Variants in ZC3H14 observed in about 807,000 individuals in gnomAD.
ZC3H14 encodes zinc finger CCCH-type containing 14, also known as zinc finger CCCH domain-containing protein 14.
Under a neutral mutation model 92.4 loss-of-function variants are expected in ZC3H14, and 31 were observed. The ratio of observed to expected loss-of-function variants is 0.34; its 90% CI spans 0.25 to 0.45. The LOEUF (loss-of-function observed/expected upper bound fraction) is 0.45, where lower values mean the gene tolerates loss of function less well. Among genes scored for constraint, ZC3H14 ranks in the 20% least tolerant of loss-of-function variants. ZC3H14 has a pLI of 1.00. For synonymous variants in ZC3H14, 321 were observed against 300.9 expected (o/e 1.07, Z -0.69); for missense variants, 781 against 897.3 (o/e 0.87, Z 1.66).
intron 12 of ZC3H14, among the ~76,000 whole-genome samples, chr14:88,603,720 A>G (rs944604153): frequency 6.6e-6 from 1 of 152,154 alleles, no homozygotes; most frequent in African/African-American, 2.4e-5. Context: ...ATTTAGAAGC[A>G]CCTCTTCATT....
intron 9 of ZC3H14, chr14:88,595,246 A>C (rs1292703089): frequency 6.8e-7 from 1 of 1,467,356 alleles, no homozygotes; most frequent in Non-Finnish European, 9.0e-7. Flanking sequence ...TTTAATGACA[A>C]ATTTGGATTC....
chr14:88,587,339 A>G lies in ZC3H14; in HGVS notation c.1279+9199A>G, dbSNP rs566658050. On this transcript the variant is annotated intron_variant, in intron 9 of 16. Transcript: ENST00000251038. ...CTGCCACACCTGGAATTTTTAATAA[A>G]ATTTTTAGTAGAGACAGGGTCTCAC... is the stretch of plus-strand genomic sequence containing the variant. Among the ~76,000 whole-genome samples, 124 of 151,836 alleles carry G rather than the reference A, an allele frequency of 8.2e-4. 3 individuals are homozygous for G. The highest frequency in any genetic ancestry group is 2.2e-4 in the Non-Finnish European group (15 of 67,934).
chr14:88,603,553 C>G (rs1417845310), intron 12 of ZC3H14, among the ~76,000 whole-genome samples: 1 of 152,198 alleles, frequency 6.6e-6, no homozygotes, highest in Non-Finnish European at 1.5e-5. Context: ...TTTAGCAGAA[C>G]TCAGATGAAC....
chr14:88,609,930 A>G (rs1341110775), intron 15 of ZC3H14, 127 bp downstream of exon 15: 5 of 1,020,806 alleles, frequency 4.9e-6, no homozygotes, highest in Non-Finnish European at 7.4e-6. Flanking sequence ...AAAACTATTA[A>G]GTTGTTCCTC....
At position 88,627,152 on chromosome 14, in the gene ZC3H14, G is replaced by C. The variant is rs2090037417; in HGVS notation, c.*15401G>C. The stretch of plus-strand genomic sequence containing the variant: ...TAGTTCAAAAAACAAAGGCTTAGAA[G>C]AGAGGCCAATGGCCCCTGCTCTACT... On this transcript the variant is annotated 3_prime_UTR_variant, in exon 17 of 17. Transcript: ENST00000251038. 1.7e-6 allele frequency: 2 copies of C among 1,175,030 alleles called. No individual in the cohort carries two copies. The highest frequency in any genetic ancestry group is 2.5e-6 in the Non-Finnish European group (2 of 813,232). 72.8% of individuals were successfully genotyped at this position (1,175,030 alleles called of 1,614,324 possible).
At position 88,616,662 on chromosome 14, in the gene ZC3H14, G is replaced by A; in HGVS notation, c.*4911G>A. 4.2e-6 allele frequency: 6 copies of A among 1,430,966 alleles called. No homozygotes were observed. Among genetic ancestry groups the A allele is most frequent in the Non-Finnish European group, 5.7e-6 (6 of 1,059,806 alleles). 88.6% of individuals were successfully genotyped at this position (1,430,966 alleles called of 1,614,324 possible). ...AAACATTTTAAATATATGGGGAAAAGTGCTGATGATAAGACATCAAAATTA... is the reference window on the plus strand; with the variant it reads ...AAACATTTTAAATATATGGGGAAAAATGCTGATGATAAGACATCAAAATTA... On this transcript the variant is annotated 3_prime_UTR_variant, in exon 17 of 17. Coordinates refer to ENST00000251038, the MANE Select transcript of ZC3H14 (RefSeq NM_024824.5).
rs201612763 is a variant in ZC3H14 at position 88,576,532 on chromosome 14, C to T, written c.1123+592C>T. On this transcript the variant is annotated intron_variant, in intron 8 of 16. Transcript: ENST00000251038. ...ATGAATCAGCTGTAAGCTGGTCTTA[C>T]GGAAAGCTGATTCTGAAATGCAAAC... 1.3e-4 allele frequency among the ~76,000 whole-genome samples: 20 copies of T among 152,310 alleles called. 1 individual carries two copies. In the East Asian group the frequency reaches 2.3e-3, roughly 18 times the overall value.
At position 88,627,528 on chromosome 14, in the gene ZC3H14, T is replaced by C. The variant is rs1000811959; in HGVS notation, c.*15777T>C. 5 of 983,350 alleles carry C rather than the reference T, an allele frequency of 5.1e-6. No individual in the cohort carries two copies. Among genetic ancestry groups the C allele is most frequent in the African/African-American group, 3.3e-5 (2 of 60,984 alleles). The allele number at this position is 983,350 out of a possible 1,614,324, so 60.9% of individuals were successfully genotyped here. A position where few individuals can be genotyped will look rare whatever the true frequency, so the allele number is the denominator to read the frequency against. On this transcript the variant is annotated 3_prime_UTR_variant, in exon 17 of 17. Coordinates refer to ENST00000251038, the MANE Select transcript of ZC3H14 (RefSeq NM_024824.5). ...GTACCACTGTGTACAGTATATTGCA[T>C]AGGCCTCCACTGAATGATTGTTTCA...
rs1333135316 is a variant in ZC3H14, at chr14:88,615,734, C to T, written c.*3983C>T. 7.5e-7 allele frequency: 1 copy of T among 1,339,454 alleles called. No individual in the cohort carries two copies. The highest frequency in any genetic ancestry group is 2.4e-5 in the East Asian group (1 of 41,652). The allele number at this position is 1,339,454 out of a possible 1,614,324, so 83.0% of individuals were successfully genotyped here. A position where few individuals can be genotyped will look rare whatever the true frequency, so the allele number is the denominator to read the frequency against. ...CTGTTACAGTCTTGGGTTAGCACCA[C>T]TTGACCATGCAGGGTTGGGTTTTGG... On this transcript the variant is annotated 3_prime_UTR_variant, in exon 17 of 17. Transcript: ENST00000251038.
chr14:88,572,128 G>C lies in ZC3H14; in HGVS notation c.334G>C (p.Ala112Pro), dbSNP rs1212308311. Residue 112 changes from alanine to proline, a missense_variant, in exon 5 of 17, where the codon GCT (alanine) becomes CCT (proline). Around this residue, in one of 3 missense-constraint regions of ZC3H14, gnomAD observed 106 missense variants for 154.2 expected, o/e 0.69. Transcript: ENST00000251038. ...TCGGGGAGATGAGAGGAGGCATGAA[G>C]CTGCAGTGCCACCACTTGCCATTCC... ...FSRGDERRHE[A>P]AVPPLAIPSA... is the part of the protein sequence containing the mutation. The C allele has an allele frequency of 6.2e-7, 1 of 1,614,046 alleles. No homozygotes were observed. The highest frequency in any genetic ancestry group is 1.3e-5 in the African/African-American group (1 of 74,908).
intron 9 of ZC3H14, among the ~76,000 whole-genome samples, chr14:88,588,597 C>T (rs2082732334): frequency 6.6e-6 from 1 of 151,838 alleles, no homozygotes; most frequent in Non-Finnish European, 1.5e-5. Context: ...TCTGAAATTT[C>T]ACTGTGGTAT....
intron 6 of ZC3H14, chr14:88,573,796 A>G (rs2139618445): frequency 6.6e-6 from 1 of 152,332 alleles, no homozygotes; most frequent in South Asian, 2.1e-4. Flanking sequence ...TTGTATTTTT[A>G]GTAGAGATGG....
At chr14:88,593,314 A>G (rs575910934) in intron 9 of ZC3H14, among the ~76,000 whole-genome samples, 1 of 152,168 alleles carries the variant, frequency 6.6e-6, no homozygotes, top group South Asian at 2.1e-4. Context: ...AAGTTGATCT[A>G]TGGATTCAAC....
chr14:88,574,759 C>A lies in ZC3H14; in HGVS notation c.928C>A (p.His310Asn). Reference protein sequence around the residue: ...SSVVKVKKFNHDGEEEEEDDD... With the variant: ...SSVVKVKKFNNDGEEEEEDDD... The stretch of plus-strand genomic sequence containing the variant: ...AGTTGTTAAAGTAAAAAAATTCAAT[C>A]ATGATGGAGAAGAGGAGGAAGAAGA... Residue 310 changes from histidine to asparagine, a missense_variant, in exon 7 of 17, where the codon CAT (histidine) becomes AAT (asparagine). Transcript: ENST00000251038. 1 of 1,614,032 alleles carries A rather than the reference C, an allele frequency of 6.2e-7. No homozygotes were observed. Among genetic ancestry groups the A allele is most frequent in the African/African-American group, 1.3e-5 (1 of 74,998 alleles).
chr14:88,601,128 T>C (rs1175158830), intron 10 of ZC3H14, among the ~76,000 whole-genome samples: 1 of 152,156 alleles, frequency 6.6e-6, no homozygotes, highest in Non-Finnish European at 1.5e-5. Flanking sequence ...TATTCTGAAA[T>C]TGTATATGTG....
At chr14:88,610,440 T>C (rs890101306) in intron 15 of ZC3H14, among the ~76,000 whole-genome samples, 1 of 151,330 alleles carries the variant, frequency 6.6e-6, no homozygotes. Context: ...TTCACTAGTA[T>C]TAAAATGGTC....
At position 88,625,058 on chromosome 14, in the gene ZC3H14, T is replaced by C. The variant is rs1369290029; in HGVS notation, c.*13307T>C. ...GGCCCGTTGTGAGCTCTCGCCACGATTCTACACAATATGTGATCTTTCCAC... is the reference window on the plus strand; with the variant it reads ...GGCCCGTTGTGAGCTCTCGCCACGACTCTACACAATATGTGATCTTTCCAC... On this transcript the variant is annotated 3_prime_UTR_variant, in exon 17 of 17. Transcript: ENST00000251038. 1.2e-6 allele frequency: 2 copies of C among 1,612,124 alleles called. No homozygotes were observed. Among genetic ancestry groups the C allele is most frequent in the East Asian group, 2.2e-5 (1 of 44,726 alleles).
At chr14:88,576,983 G>T (rs1420937727) in intron 8 of ZC3H14, among the ~76,000 whole-genome samples, 1 of 151,940 alleles carries the variant, frequency 6.6e-6, no homozygotes, top group Non-Finnish European at 1.5e-5. Flanking sequence ...AGTAGAGGCG[G>T]GGTTCCACCA....
At position 88,624,917 on chromosome 14, in the gene ZC3H14, C is replaced by A; in HGVS notation, c.*13166C>A. The A allele has an allele frequency of 6.3e-7, 1 of 1,593,952 alleles. No individual in the cohort carries two copies. The highest frequency in any genetic ancestry group is 8.6e-7 in the Non-Finnish European group (1 of 1,169,490). On this transcript the variant is annotated 3_prime_UTR_variant, in exon 17 of 17. Transcript: ENST00000251038. ...AACAACTAGAATAATTAACTGCAAACCTCAGGTAGGTCACAAATGCATAAA... is the reference window on the plus strand; with the variant it reads ...AACAACTAGAATAATTAACTGCAAAACTCAGGTAGGTCACAAATGCATAAA...
Sources: allele counts gnomAD v4.1 joint callset (sites outside exome capture counted in the v4.1 genomes callset), GRCh38; gene constraint gnomAD v4.1.1; regional missense constraint gnomAD v4.1.1; transcripts MANE v1.5; gene names NCBI Gene and HGNC (gene_info 2026-07-23, HGNC 2026-07-21).